The following COL23A1 variants were observed in gnomAD, a reference collection of about 807,000 sequenced individuals.
COL23A1 encodes the protein collagen alpha-1(XXIII) chain.
COL23A1 carries 97 observed loss-of-function variants against 99.3 expected under a neutral mutation model. That is an observed-to-expected ratio of 0.98 (90% CI 0.83 to 1.16). The LOEUF (loss-of-function observed/expected upper bound fraction) is 1.16. Among genes scored for constraint, COL23A1 ranks in the 50% most tolerant of loss-of-function variants. COL23A1 has a pLI of 0.00. For missense variants in COL23A1, 762 were observed against 757.4 expected, an observed-to-expected ratio of 1.01 and a Z score of -0.07; for synonymous variants, 320 against 308.2, an observed-to-expected ratio of 1.04 and a Z score of -0.40.
chr5:178,403,473 G>T (rs958071062), intron 2 of COL23A1, among the ~76,000 whole-genome samples: 7 of 152,214 alleles, frequency 4.6e-5, no homozygotes, highest in Non-Finnish European at 7.3e-5. Flanking sequence ...AGGTGGGATT[G>T]TTCTTCCTAT....
chr5:178,371,179 T>A (rs574623893), intron 2 of COL23A1, among the ~76,000 whole-genome samples: 2 of 152,260 alleles, frequency 1.3e-5, no homozygotes, highest in Admixed American at 1.3e-4. Context: ...ACATAATAAA[T>A]ACATATAAAA....
At chr5:178,305,749 A>G (rs909500331) in intron 3 of COL23A1, among the ~76,000 whole-genome samples, 3 of 152,016 alleles carry the variant, frequency 2.0e-5, no homozygotes, top group Non-Finnish European at 2.9e-5. Context: ...AGGTGGGGAC[A>G]TGGCGTGGGG....
intron 2 of COL23A1, among the ~76,000 whole-genome samples, chr5:178,476,298 C>T (rs1757024993): frequency 6.6e-6 from 1 of 152,156 alleles, no homozygotes; most frequent in African/African-American, 2.4e-5. Flanking sequence ...GTATAAGAGC[C>T]CTTGGTCTGT....
rs1187796986 is a variant in COL23A1 at position 178,307,592 on chromosome 5, C to G, written c.362-673G>C. 6.6e-6 allele frequency among the ~76,000 whole-genome samples: 1 copy of G among 152,228 alleles called. No homozygotes were observed. Among genetic ancestry groups the G allele is most frequent in the African/African-American group, 2.4e-5 (1 of 41,472 alleles). ...GAACCCCCTACCTCCGCCTCTGGCC[C>G]TCTGCCCACATCAGACCCTGAGACC... On this transcript the variant is annotated intron_variant, in intron 2 of 28. Transcript: ENST00000390654. This position sits in a 1 kb window ranked among gnomAD's most constrained non-coding sequence, Gnocchi z 4.2.
At chr5:178,551,158 A>G (rs543980143) in intron 2 of COL23A1, among the ~76,000 whole-genome samples, 55 of 148,162 alleles carry the variant, frequency 3.7e-4, no homozygotes, top group African/African-American at 1.3e-3. Flanking sequence ...TATATGTTAT[A>G]TATTATATTA....
intron 2 of COL23A1, among the ~76,000 whole-genome samples, chr5:178,516,753 TC>T (rs1168103659): frequency 6.6e-6 from 1 of 152,124 alleles, no homozygotes; most frequent in Non-Finnish European, 1.5e-5. Flanking sequence ...CGGGTGCCCC[TC>T]CTAGTCTCCC....
At chr5:178,547,190 C>A (rs970366596) in intron 2 of COL23A1, among the ~76,000 whole-genome samples, 1 of 151,734 alleles carries the variant, frequency 6.6e-6, no homozygotes, top group Non-Finnish European at 1.5e-5. Flanking sequence ...GGCAAGTACC[C>A]CGACAGTATC....
intron 2 of COL23A1, among the ~76,000 whole-genome samples, chr5:178,519,908 GATGA>G (rs891806402): frequency 1.1e-4 from 16 of 152,146 alleles, no homozygotes; most frequent in African/African-American, 3.4e-4. Context: ...TAGATGGATG[GATGA>G]ATGGTCAGAT....
chr5:178,249,327 T>C (rs1581447020), intron 18 of COL23A1, 121 bp from the exon 19 acceptor site: 11 of 936,428 alleles, frequency 1.2e-5, no homozygotes, highest in Non-Finnish European at 1.7e-6. Flanking sequence ...GGTCCCCACC[T>C]CCAGCCACAG....
intron 1 of COL23A1, among the ~76,000 whole-genome samples, chr5:178,564,748 C>T (rs138044593): frequency 2.6e-5 from 4 of 152,284 alleles, no homozygotes; most frequent in East Asian, 1.9e-4. Context: ...CGTTTATTAA[C>T]GATCTGTCGG....
Position 178,478,628 on chromosome 5 carries a change from T to C in COL23A1, c.361+82054A>G, listed in dbSNP as rs1432891458. ...AACGTTTCCTGTGCCTGCCAACCCC[T>C]CCCTTCCTGTGTCCACAGAGAGAGT... On this transcript the variant is annotated intron_variant, in intron 2 of 28. Transcript: ENST00000390654. Among the ~76,000 whole-genome samples, 9 of 152,290 alleles carry C rather than the reference T, an allele frequency of 5.9e-5. No homozygotes were observed. In the East Asian group the frequency reaches 1.7e-3, roughly 29 times the overall value.
intron 4 of COL23A1, among the ~76,000 whole-genome samples, chr5:178,288,770 AAG>A (rs140596463): frequency 6.6e-6 from 1 of 151,346 alleles, no homozygotes; most frequent in African/African-American, 2.4e-5. Flanking sequence ...TGAACCAAGA[AAG>A]AGAGCCTTAG....
rs1017998750 is a variant in COL23A1 at position 178,365,424 on chromosome 5, G to T, written c.362-58505C>A. On this transcript the variant is annotated intron_variant, in intron 2 of 28. Transcript: ENST00000390654. This position sits in a 1 kb window ranked among gnomAD's most constrained non-coding sequence, Gnocchi z 5.2. ...GGCCTCCTCCCTCCCGGACACTCAC[G>T]CATTTCAGGTCTGACGGGTACCCGC... Among the ~76,000 whole-genome samples, 1 of 152,050 alleles carries T rather than the reference G, an allele frequency of 6.6e-6. No homozygotes were observed. Among genetic ancestry groups the T allele is most frequent in the Non-Finnish European group, 1.5e-5 (1 of 68,000 alleles).
At chr5:178,279,146 C>A (rs2127574315) in intron 5 of COL23A1, among the ~76,000 whole-genome samples, 1 of 152,352 alleles carries the variant, frequency 6.6e-6, no homozygotes, top group African/African-American at 2.4e-5. Context: ...CTGGCACACC[C>A]TCACCCACTG....
intron 3 of COL23A1, among the ~76,000 whole-genome samples, chr5:178,296,216 C>T (rs147992706): frequency 5.0e-4 from 76 of 152,306 alleles, no homozygotes; most frequent in African/African-American, 1.8e-3. Flanking sequence ...GTCCTGAGAG[C>T]AGAGCCCTGG....
intron 2 of COL23A1, among the ~76,000 whole-genome samples, chr5:178,477,241 A>G (rs931824562): frequency 2.0e-5 from 3 of 152,196 alleles, no homozygotes; most frequent in African/African-American, 7.2e-5. Flanking sequence ...TCAGAAAACA[A>G]CGAAACCATG....
chr5:178,442,380 T>A (rs1225257935), intron 2 of COL23A1, among the ~76,000 whole-genome samples: 1 of 152,186 alleles, frequency 6.6e-6, no homozygotes, highest in Non-Finnish European at 1.5e-5. Flanking sequence ...ATCACCGCCA[T>A]CTCCACATGA....
chr5:178,473,555 C>G (rs946383850), intron 2 of COL23A1, among the ~76,000 whole-genome samples: 5 of 150,170 alleles, frequency 3.3e-5, no homozygotes, highest in African/African-American at 1.2e-4. Flanking sequence ...CTCAAGCAAA[C>G]CACCCACTTC....
chr5:178,271,713 CGGAGAGGT>C (rs1756296877), intron 5 of COL23A1, among the ~76,000 whole-genome samples: 1 of 152,190 alleles, frequency 6.6e-6, no homozygotes. Flanking sequence ...AAAGGGAAGG[CGGAGAGGT>C]GGAGAGGTAG....
Sources: allele counts gnomAD v4.1 joint callset (sites outside exome capture counted in the v4.1 genomes callset), GRCh38; gene constraint gnomAD v4.1.1; non-coding constraint Gnocchi (gnomAD v3.1); transcripts MANE v1.5; gene names NCBI Gene and HGNC (gene_info 2026-07-23, HGNC 2026-07-21).